ADRA1A: variants seen among roughly 807,000 people sequenced by gnomAD.
The protein encoded by ADRA1A is adrenoceptor alpha 1A.
A neutral mutation model predicts 29.6 loss-of-function variants in ADRA1A; 31 were observed. The observed-to-expected ratio is 1.05, with a 90% CI of 0.79 to 1.41. The LOEUF is 1.41. Ranked by LOEUF, ADRA1A falls within the 40% of genes most tolerant of loss-of-function variation. The pLI, the probability that ADRA1A is intolerant of heterozygous loss-of-function variation, is 0.00. For missense variants in ADRA1A, 619 were observed against 601.1 expected (o/e 1.03, Z -0.31); for synonymous variants, 311 against 254.3 (o/e 1.22, Z -2.12).
chr8:26,748,937 C>T (rs916591671), intron 2 of ADRA1A, among the ~76,000 whole-genome samples: 2 of 152,090 alleles, frequency 1.3e-5, no homozygotes, highest in Non-Finnish European at 2.9e-5. Context: ...GCTGTCCCCT[C>T]AGCAGGTGAG....
intron 2 of ADRA1A, among the ~76,000 whole-genome samples, chr8:26,784,917 G>T (rs1024536436): frequency 1.3e-5 from 2 of 152,170 alleles, no homozygotes; most frequent in Admixed American, 6.5e-5. Flanking sequence ...TACATGAAAA[G>T]TATCTCAGAA....
intron 2 of ADRA1A, among the ~76,000 whole-genome samples, chr8:26,842,653 T>C (rs140193469): frequency 0.036 from 5,511 of 152,210 alleles, 130 homozygotes; most frequent in Middle Eastern, 0.12. Flanking sequence ...ATTCTAACAC[T>C]GCTCTGCAAT....
At chr8:26,837,642 C>T (rs1477053155) in intron 2 of ADRA1A, among the ~76,000 whole-genome samples, 2 of 124,452 alleles carry the variant, frequency 1.6e-5, no homozygotes, top group South Asian at 2.9e-4. Flanking sequence ...CAGAGAGAGA[C>T]TCTGTCTCAA....
chr8:26,772,481 A>G (rs879311014), intron 2 of ADRA1A, among the ~76,000 whole-genome samples: 8 of 152,210 alleles, frequency 5.3e-5, no homozygotes, highest in Non-Finnish European at 7.3e-5. Context: ...TACAGTTGGT[A>G]GAATGGCTTT....
chr8:26,789,710 A>G (rs1196899449), intron 2 of ADRA1A, among the ~76,000 whole-genome samples: 1 of 152,190 alleles, frequency 6.6e-6, no homozygotes, highest in Non-Finnish European at 1.5e-5. Flanking sequence ...GAAACAAGCT[A>G]TGCATCTGAC....
At chr8:26,754,512 A>G (rs1563227022), downstream of ADRA1A, among the ~76,000 whole-genome samples, 1 of 152,130 alleles carries the variant, frequency 6.6e-6, no homozygotes, top group African/African-American at 2.4e-5. Context: ...CAATTGTTAA[A>G]GGTTACAGAA....
intron 2 of ADRA1A, among the ~76,000 whole-genome samples, chr8:26,857,981 G>C (rs1813170423): frequency 6.6e-6 from 1 of 152,188 alleles, no homozygotes; most frequent in Non-Finnish European, 1.5e-5. Context: ...CTGGCAAACA[G>C]TATATGTTCA....
intron 2 of ADRA1A, among the ~76,000 whole-genome samples, 185 bp downstream of exon 2, chr8:26,863,902 A>G (rs1212378017): frequency 1.3e-5 from 2 of 152,210 alleles, no homozygotes; most frequent in Non-Finnish European, 2.9e-5. Context: ...AATATAAATG[A>G]GACTGGAGTA....
rs528027624 is a variant in ADRA1A, at chr8:26,791,562, C to T, written c.884-20896G>A. On this transcript the variant is annotated intron_variant, in intron 2 of 2. Transcript: ENST00000380573. ...ATGTGTTCAGTGAGGTTGGGTGCCA[C>T]GAAGCCTGTTTTATATAGGCAGGTT... Among the ~76,000 whole-genome samples the T allele has an allele frequency of 3.9e-5, 6 of 152,246 alleles. No homozygotes were observed. In the South Asian group the frequency reaches 6.2e-4, roughly 16 times the overall value.
intron 2 of ADRA1A, 43 bp from the exon 3 acceptor site, chr8:26,770,709 A>C (rs909971831): frequency 1.9e-6 from 3 of 1,544,270 alleles, no homozygotes; most frequent in Non-Finnish European, 2.6e-6. Flanking sequence ...TTTGAAAGCC[A>C]GCAAGCCAAT....
intron 2 of ADRA1A, among the ~76,000 whole-genome samples, chr8:26,863,389 G>T (rs529816970): frequency 7.2e-4 from 109 of 152,226 alleles, no homozygotes; most frequent in African/African-American, 2.5e-3. Flanking sequence ...CTTCCCGGAT[G>T]ATTTTGGATA....
downstream of ADRA1A, among the ~76,000 whole-genome samples, chr8:26,764,969 G>C (rs112827789): frequency 0.029 from 4,439 of 152,262 alleles, 212 homozygotes; most frequent in African/African-American, 0.1. Flanking sequence ...ATATGATACA[G>C]AGAGAGAAAA....
intron 2 of ADRA1A, among the ~76,000 whole-genome samples, chr8:26,846,320 C>T (rs1453550819): frequency 6.6e-6 from 1 of 152,178 alleles, no homozygotes; most frequent in Non-Finnish European, 1.5e-5. Flanking sequence ...GTAGCATAAA[C>T]CAGAGTTTGT....
At chr8:26,765,204 A>G (rs142622760), downstream of ADRA1A, among the ~76,000 whole-genome samples, 243 of 152,350 alleles carry the variant, frequency 1.6e-3, no homozygotes, top group African/African-American at 5.6e-3. Context: ...CCAGTAATCC[A>G]TGTTGCAGCA....
Position 26,848,098 on chromosome 8 carries a change from G to A in ADRA1A, c.883+15989C>T, listed in dbSNP as rs1812345998. ...TGTGATTCCAGGGCTTTTAACTGTA[G>A]ACAGGCCCCTTTCCTCTGTTACAGG... On this transcript the variant is annotated intron_variant, in intron 2 of 2. Transcript: ENST00000380573. The surrounding 1 kb of genome is among the most constrained non-coding windows in gnomAD (Gnocchi z 4.3). Among the ~76,000 whole-genome samples the A allele has an allele frequency of 6.6e-6, 1 of 152,210 alleles. No homozygotes were observed. Among genetic ancestry groups the A allele is most frequent in the Non-Finnish European group, 1.5e-5 (1 of 68,040 alleles).
intron 2 of ADRA1A, among the ~76,000 whole-genome samples, chr8:26,829,522 C>T (rs1810820732): frequency 6.6e-6 from 1 of 151,644 alleles, no homozygotes; most frequent in Non-Finnish European, 1.5e-5. Context: ...TAAATTTTAC[C>T]CTTAGGAAAA....
intron 2 of ADRA1A, among the ~76,000 whole-genome samples, chr8:26,758,350 C>T (rs1452427191): frequency 3.3e-5 from 5 of 152,156 alleles, no homozygotes. Context: ...TTTCTCTCTT[C>T]CTGCACATGG....
intron 2 of ADRA1A, among the ~76,000 whole-genome samples, chr8:26,859,605 T>C (rs946661017): frequency 1.3e-5 from 2 of 152,178 alleles, no homozygotes; most frequent in Non-Finnish European, 2.9e-5. Flanking sequence ...TGGTGCTTAT[T>C]ACATAGCCAG....
chr8:26,761,501 G>A (rs897892642), downstream of ADRA1A, among the ~76,000 whole-genome samples: 4 of 152,132 alleles, frequency 2.6e-5, no homozygotes, highest in East Asian at 3.9e-4. Flanking sequence ...CAATAAAACC[G>A]GTGTCCTTAT....
Sources: allele counts gnomAD v4.1 joint callset (sites outside exome capture counted in the v4.1 genomes callset), GRCh38; gene constraint gnomAD v4.1.1; non-coding constraint Gnocchi (gnomAD v3.1); transcripts MANE v1.5; gene names NCBI Gene and HGNC (gene_info 2026-07-23, HGNC 2026-07-21).